Variants in TCF3 observed in about 807,000 individuals in gnomAD.
TCF3 encodes the protein transcription factor 3, also known as transcription factor E2-alpha.
In TCF3, 54 loss-of-function variants were observed where a neutral mutation model predicts 72.3. That is an observed-to-expected ratio of 0.75 (90% CI 0.60 to 0.94). The LOEUF (loss-of-function observed/expected upper bound fraction) is 0.94. TCF3 is among the 40% of genes least tolerant of loss of function. TCF3 has a pLI of 0.00. For synonymous variants in TCF3, 525 were observed against 412.6 expected, an observed-to-expected ratio of 1.27 and a Z score of -3.30; for missense variants, 1,078 against 934.4, an observed-to-expected ratio of 1.15 and a Z score of -2.00.
intron 2 of TCF3, among the ~76,000 whole-genome samples, chr19:1,649,746 G>A (rs535623252): frequency 7.2e-5 from 11 of 152,180 alleles, no homozygotes; most frequent in African/African-American, 1.7e-4. Context: ...CTGAAACAGG[G>A]TCTCCAGGGT....
chr19:1,610,566 C>T lies in TCF3; in HGVS notation c.*1141G>A, dbSNP rs933836641. On this transcript the variant is annotated 3_prime_UTR_variant, in exon 19 of 19. Coordinates refer to ENST00000262965, the MANE Select transcript of TCF3 (RefSeq NM_003200.5). ...CCAGCACCGGGCTCCAGGGTGTGGTCCCCATGCCAGGGGTCACTGGTCCCA... is the reference window on the plus strand; with the variant it reads ...CCAGCACCGGGCTCCAGGGTGTGGTTCCCATGCCAGGGGTCACTGGTCCCA... The T allele has an allele frequency of 8.6e-6, 2 of 231,510 alleles. No individual in the cohort carries two copies. The highest frequency in any genetic ancestry group is 1.1e-4 in the Admixed American group (2 of 17,720). 14.3% of individuals were successfully genotyped at this position (231,510 alleles called of 1,614,324 possible).
At chr19:1,618,075 G>A (rs2061735634) in intron 16 of TCF3, among the ~76,000 whole-genome samples, 1 of 152,052 alleles carries the variant, frequency 6.6e-6, no homozygotes, top group Non-Finnish European at 1.5e-5. Context: ...GGCCTCTCAT[G>A]GGTGTCTGAG....
intron 6 of TCF3, 32 bp downstream of exon 6, chr19:1,627,327 A>G (rs765084076): frequency 1.5e-5 from 23 of 1,577,210 alleles, no homozygotes; most frequent in Admixed American, 7.1e-5. Context: ...TTTAAAATCA[A>G]AATACACCCC....
Position 1,646,376 on chromosome 19 carries a change from C to G in TCF3, c.124G>C (p.Gly42Arg), listed in dbSNP as rs528980993. Residue 42 changes from glycine to arginine, a missense_variant, in exon 3 of 19, where the codon GGG (glycine) becomes CGG (arginine). Transcript: ENST00000262965. ...CTACCTGAACCTCCGAACTGCGCCC[C>G]GGCCAGGGAGGCGGGCCGGCCCTTC... ...NGKGRPASLAGAQFGGSGLED... is the reference protein window; with the variant it reads ...NGKGRPASLARAQFGGSGLED... 40 of 1,550,212 alleles carry G rather than the reference C, an allele frequency of 2.6e-5. No individual in the cohort carries two copies. The highest frequency in any genetic ancestry group is 3.1e-5 in the Non-Finnish European group (36 of 1,146,690).
intron 6 of TCF3, among the ~76,000 whole-genome samples, chr19:1,627,100 A>G (rs991808385): frequency 1.3e-5 from 2 of 152,040 alleles, no homozygotes; most frequent in African/African-American, 4.8e-5. Flanking sequence ...CCTGCCTGCC[A>G]CTCAGAGGAG....
intron 7 of TCF3, among the ~76,000 whole-genome samples, chr19:1,624,261 T>G (rs2062611698): frequency 6.6e-6 from 1 of 152,010 alleles, no homozygotes; most frequent in Admixed American, 6.6e-5. Context: ...CCGGGCGTGG[T>G]GGCGGGTGCC....
rs777156498 is a variant in TCF3, at chr19:1,632,057, G to C, written c.279C>G (p.Phe93Leu). 6.2e-7 allele frequency: 1 copy of C among 1,613,494 alleles called. No individual in the cohort carries two copies. The highest frequency in any genetic ancestry group is 8.5e-7 in the Non-Finnish European group (1 of 1,179,822). Residue 93 changes from phenylalanine to leucine, a missense_variant, in exon 5 of 19, where the codon TTC becomes TTG. Phe to Leu is a conservative substitution (Grantham distance 22). Transcript: ENST00000262965. ...ACTCACCTCCGAGTCCCGGTCCCAGGAATGTGGATGAAGAGAGGCTGCTGT... is the reference window on the plus strand; with the variant it reads ...ACTCACCTCCGAGTCCCGGTCCCAGCAATGTGGATGAAGAGAGGCTGCTGT... ...ESHSSLSSST[F>L]LGPGLGGKSG...
chr19:1,640,083 T>C lies in TCF3; in HGVS notation c.145+6272A>G, dbSNP rs1462329639. Among the ~76,000 whole-genome samples the C allele has an allele frequency of 3.9e-5, 6 of 152,146 alleles. 1 individual carries two copies. The East Asian group carries it at 7.7e-4, about 20-fold the overall frequency. ...AAGAAACCACCTAAAAGTTGGCGCA[T>C]TGAGGACCGCGGCGCCCTCAGCCTC... is the stretch of plus-strand genomic sequence containing the variant. On this transcript the variant is annotated intron_variant, in intron 3 of 18. Coordinates refer to ENST00000262965, the MANE Select transcript of TCF3 (RefSeq NM_003200.5).
Position 1,646,356 on chromosome 19 carries a change from T to C in TCF3, c.144A>G (p.Ser48=). The change falls in exon 3 of 19, where the codon TCA becomes TCG. Residue 48 remains serine, a splice_region_variant and synonymous_variant. Transcript: ENST00000262965. ...ASLAGAQFGG[S]GLEDRPSSGS... ...GCTGGCAGGAAGGCGGGGTCCTACC[T>C]GAACCTCCGAACTGCGCCCCGGCCA... The C allele has an allele frequency of 6.5e-7, 1 of 1,550,316 alleles. No individual in the cohort carries two copies. Among genetic ancestry groups the C allele is most frequent in the Non-Finnish European group, 8.7e-7 (1 of 1,146,618 alleles).
intron 3 of TCF3, among the ~76,000 whole-genome samples, chr19:1,642,204 ACG>A (rs2065385466): frequency 6.6e-6 from 1 of 151,756 alleles, no homozygotes; most frequent in African/African-American, 2.4e-5. Flanking sequence ...AGACGCAGAC[ACG>A]CACACACGCG....
At chr19:1,651,214 G>A (rs1252908811) in intron 1 of TCF3, 2 of 228,536 alleles carry the variant, frequency 8.8e-6, no homozygotes, top group East Asian at 6.2e-5. Flanking sequence ...ATGCACTCCA[G>A]GCCCCTCCAG....
In TCF3 at chr19:1,614,563, G is replaced by T. The variant is rs2061359501; in HGVS notation, c.1822+722C>A. 6.6e-6 allele frequency among the ~76,000 whole-genome samples: 1 copy of T among 152,180 alleles called. No individual in the cohort carries two copies. The highest frequency in any genetic ancestry group is 1.5e-5 in the Non-Finnish European group (1 of 68,026). On this transcript the variant is annotated intron_variant, in intron 18 of 18. Coordinates refer to ENST00000262965, the MANE Select transcript of TCF3 (RefSeq NM_003200.5). The surrounding 1 kb of genome is among the most constrained non-coding windows in gnomAD (Gnocchi z 5.6). The stretch of plus-strand genomic sequence containing the variant: ...AGAGACTCGGAAACCTTAGAGCTGA[G>T]GGGATAGCGTGTGGGCCGGGCCGGG...
At chr19:1,611,912 G>C in intron 18 of TCF3, 63 bp from the exon 19 acceptor site, 2 of 682,642 alleles carry the variant, frequency 2.9e-6, no homozygotes, top group Non-Finnish European at 4.3e-6. Context: ...TGTGAGGTGG[G>C]AGTGGGGGGT....
At position 1,619,795 on chromosome 19, in the gene TCF3, C is replaced by G. The variant is rs779966128; in HGVS notation, c.1152G>C (p.Gly384=). 1.3e-6 allele frequency: 2 copies of G among 1,559,516 alleles called. No individual in the cohort carries two copies. The highest frequency in any genetic ancestry group is 8.7e-7 in the Non-Finnish European group (1 of 1,152,702). The part of the protein sequence containing the change: ...APGALSPSYD[G]GLHGLQSKIE... ...AGGCACTCACCAGGCCGTGGAGACC[C>G]CCGTCGTAGCTGGGCGATAAGGCAC... is the stretch of plus-strand genomic sequence containing the variant. The change falls in exon 14 of 19, where the codon GGG becomes GGC. Residue 384 remains glycine, a synonymous_variant. Transcript: ENST00000262965.
At chr19:1,627,484 C>A in intron 5 of TCF3, 58 bp from the exon 6 acceptor site, 1 of 1,527,854 alleles carries the variant, frequency 6.5e-7, no homozygotes, top group East Asian at 2.3e-5. Context: ...CCTGAGGGCC[C>A]CCGAGTGCCT....
At chr19:1,623,916 G>A in intron 8 of TCF3, 35 bp downstream of exon 8, 7 of 1,609,322 alleles carry the variant, frequency 4.3e-6, no homozygotes, top group South Asian at 1.1e-5. Flanking sequence ...TGCCACTGAC[G>A]AGCTGTGGGG....
intron 3 of TCF3, among the ~76,000 whole-genome samples, chr19:1,643,964 G>A (rs1030117045): frequency 5.9e-5 from 9 of 152,210 alleles, no homozygotes; most frequent in African/African-American, 2.2e-4. Context: ...GGCGAAGGGT[G>A]GCGTCCCCGA....
At chr19:1,629,837 G>C (rs2063481780) in intron 5 of TCF3, among the ~76,000 whole-genome samples, 1 of 152,174 alleles carries the variant, frequency 6.6e-6, no homozygotes, top group African/African-American at 2.4e-5. Flanking sequence ...CCCAACTCCT[G>C]GAACAAATGC....
Position 1,622,041 on chromosome 19 carries a change from C to T in TCF3, c.822+13G>A, listed in dbSNP as rs1167862737. 30 of 1,599,590 alleles carry T rather than the reference C, an allele frequency of 1.9e-5. No homozygotes were observed. The Admixed American group carries it at 4.8e-4, about 26-fold the overall frequency. On this transcript the variant is annotated intron_variant, in intron 10 of 18. Coordinates refer to ENST00000262965, the MANE Select transcript of TCF3 (RefSeq NM_003200.5). The stretch of plus-strand genomic sequence containing the variant: ...CCCTCCGCCCACCCCCTGCCCCCTG[C>T]CCTGGGTCCTACCATACGCTCGTGC...
Sources: allele counts gnomAD v4.1 joint callset (sites outside exome capture counted in the v4.1 genomes callset), GRCh38; gene constraint gnomAD v4.1.1; non-coding constraint Gnocchi (gnomAD v3.1); transcripts MANE v1.5; gene names NCBI Gene and HGNC (gene_info 2026-07-23, HGNC 2026-07-21).